BRD7: variants seen among roughly 807,000 people sequenced by gnomAD.
The protein encoded by BRD7 is bromodomain-containing protein 7.
In BRD7, 15 loss-of-function variants were observed where a neutral mutation model predicts 82.1. The ratio of observed to expected loss-of-function variants is 0.18; its 90% CI spans 0.12 to 0.28. The LOEUF is 0.28. Ranked by LOEUF, BRD7 falls within the 10% of genes least tolerant of loss-of-function variation. The pLI is 1.00. For synonymous variants in BRD7, 232 were observed against 266.9 expected, an observed-to-expected ratio of 0.87 and a Z score of 1.27; for missense variants, 638 against 779.9, an observed-to-expected ratio of 0.82 and a Z score of 2.17.
At chr16:50,320,156 A>G in intron 15 of BRD7, 92 bp downstream of exon 15, 1 of 1,530,174 alleles carries the variant, frequency 6.5e-7, no homozygotes, top group Non-Finnish European at 8.8e-7. Flanking sequence ...GATTCACATC[A>G]GCATTACTCT....
intron 6 of BRD7, among the ~76,000 whole-genome samples, chr16:50,337,382 T>C (rs2037851478): frequency 1.3e-5 from 2 of 149,280 alleles, no homozygotes; most frequent in African/African-American, 4.9e-5. Flanking sequence ...TGCCTCAGCC[T>C]CCTGAGTAGC....
At chr16:50,333,460 G>C in intron 8 of BRD7, 114 bp downstream of exon 8, 5 of 1,339,522 alleles carry the variant, frequency 3.7e-6, no homozygotes, top group Non-Finnish European at 4.1e-6. Context: ...GTATTATACT[G>C]ATGAAGAGCT....
intron 2 of BRD7, among the ~76,000 whole-genome samples, chr16:50,356,223 A>C (rs1007545307): frequency 6.6e-6 from 1 of 152,252 alleles, no homozygotes; most frequent in African/African-American, 2.4e-5. Flanking sequence ...AATCCTTAGC[A>C]GAGCAATTAG....
chr16:50,348,053 C>A (rs1354527230), intron 5 of BRD7, among the ~76,000 whole-genome samples: 2 of 152,198 alleles, frequency 1.3e-5, no homozygotes, highest in Admixed American at 6.5e-5. Flanking sequence ...GTACTGGTAC[C>A]AAAACAGAGA....
Position 50,318,845 on chromosome 16 carries a change from C to T in BRD7, c.*366G>A, listed in dbSNP as rs924056761. On this transcript the variant is annotated 3_prime_UTR_variant, in exon 17 of 17. Coordinates refer to ENST00000394688, the MANE Select transcript of BRD7 (RefSeq NM_013263.5). Reference sequence around the variant, plus strand: ...CACTGGGTATGCAGGGGCAGAACCACAGTAGTAAATTCTAAAATTATTTCA... The same window carrying T: ...CACTGGGTATGCAGGGGCAGAACCATAGTAGTAAATTCTAAAATTATTTCA... The T allele has an allele frequency of 1.7e-5, 3 of 171,994 alleles. No homozygotes were observed. Among genetic ancestry groups the T allele is most frequent in the African/African-American group, 7.1e-5 (3 of 42,032 alleles). 10.7% of individuals were successfully genotyped at this position (171,994 alleles called of 1,614,324 possible). A position where few individuals can be genotyped will look rare whatever the true frequency, so the allele number is the denominator to read the frequency against.
chr16:50,332,337 T>C (rs563759555), intron 8 of BRD7, among the ~76,000 whole-genome samples: 11 of 152,180 alleles, frequency 7.2e-5, no homozygotes, highest in South Asian at 2.1e-4. Context: ...CATTAAAAAC[T>C]AGGCAAAGGA....
chr16:50,355,609 AG>A (rs1247298385), intron 2 of BRD7, among the ~76,000 whole-genome samples: 6 of 152,244 alleles, frequency 3.9e-5, no homozygotes, highest in Non-Finnish European at 8.8e-5. Context: ...CAATGACAAA[AG>A]GGTGGTGCTG....
At chr16:50,342,413 A>G (rs1306813336) in intron 5 of BRD7, among the ~76,000 whole-genome samples, 2 of 151,346 alleles carry the variant, frequency 1.3e-5, no homozygotes, top group Non-Finnish European at 2.9e-5. Flanking sequence ...ATCTCTGCTT[A>G]TCAATATGTG....
At chr16:50,334,960 T>G in intron 6 of BRD7, 65 bp from the exon 7 acceptor site, 1 of 994,676 alleles carries the variant, frequency 1.0e-6, no homozygotes, top group Non-Finnish European at 1.4e-6. Flanking sequence ...ATGCATTTTT[T>G]TCCCCACAGG....
At chr16:50,338,534 T>G (rs1384283812) in intron 6 of BRD7, among the ~76,000 whole-genome samples, 1 of 152,252 alleles carries the variant, frequency 6.6e-6, no homozygotes, top group Non-Finnish European at 1.5e-5. Context: ...CGACTCATTT[T>G]TATCATCCTT....
chr16:50,352,214 T>C (rs2038555132), intron 4 of BRD7, among the ~76,000 whole-genome samples: 1 of 152,218 alleles, frequency 6.6e-6, no homozygotes, highest in Non-Finnish European at 1.5e-5. Flanking sequence ...GTGCTGATGT[T>C]GTAACAAAGT....
intron 5 of BRD7, among the ~76,000 whole-genome samples, chr16:50,345,927 C>T (rs2038265178): frequency 6.6e-6 from 1 of 152,220 alleles, no homozygotes; most frequent in East Asian, 1.9e-4. Flanking sequence ...ACCTAATAGA[C>T]ATCTACAGAA....
chr16:50,359,626 TA>T (rs373852234), intron 2 of BRD7, among the ~76,000 whole-genome samples: 5,413 of 152,052 alleles, frequency 0.036, 110 homozygotes, highest in Middle Eastern at 0.048. Context: ...AATAACTCAT[TA>T]AAAAAAATAA....
chr16:50,353,104 T>C (rs2038601755), intron 4 of BRD7, among the ~76,000 whole-genome samples: 1 of 151,912 alleles, frequency 6.6e-6, no homozygotes, highest in Admixed American at 6.6e-5. Flanking sequence ...GATCTCATTC[T>C]GTTGCCCAGG....
intron 5 of BRD7, 29 bp from the exon 6 acceptor site, chr16:50,340,115 G>C (rs551391127): frequency 7.5e-7 from 1 of 1,330,480 alleles, no homozygotes; most frequent in Non-Finnish European, 1.0e-6. Context: ...GGGAGAAAAT[G>C]CATTAATGCA....
At chr16:50,354,332 A>C in intron 4 of BRD7, 93 bp downstream of exon 4, 1 of 1,043,308 alleles carries the variant, frequency 9.6e-7, no homozygotes, top group Non-Finnish European at 1.4e-6. Flanking sequence ...CTTTAAAATC[A>C]CGTATGTTTG....
At chr16:50,367,672 A>G (rs60341182) in intron 2 of BRD7, among the ~76,000 whole-genome samples, 23,008 of 152,270 alleles carry the variant, frequency 0.15, 2,218 homozygotes, top group Middle Eastern at 0.22. Flanking sequence ...AAAAGATTTA[A>G]AGTTGCTCAT....
intron 6 of BRD7, among the ~76,000 whole-genome samples, chr16:50,335,596 C>T (rs1398670841): frequency 1.3e-5 from 2 of 152,184 alleles, no homozygotes; most frequent in Non-Finnish European, 2.9e-5. Context: ...CTTGCCTGTA[C>T]TCTGAAAGTT....
intron 9 of BRD7, among the ~76,000 whole-genome samples, chr16:50,327,039 G>A (rs1293532099): frequency 6.6e-6 from 1 of 152,202 alleles, no homozygotes. Flanking sequence ...AGCCTTCAAC[G>A]GAGGCTACTG....
Sources: allele counts gnomAD v4.1 joint callset (sites outside exome capture counted in the v4.1 genomes callset), GRCh38; gene constraint gnomAD v4.1.1; transcripts MANE v1.5; gene names NCBI Gene and HGNC (gene_info 2026-07-23, HGNC 2026-07-21).